WWOX: variants seen among roughly 807,000 people sequenced by gnomAD.
WWOX encodes WW domain containing oxidoreductase.
WWOX carries 69 observed loss-of-function variants against 46.2 expected under a neutral mutation model. That is an observed-to-expected ratio of 1.49 (90% CI 1.23 to 1.82). The LOEUF (loss-of-function observed/expected upper bound fraction) is 1.82, where lower values mean the gene tolerates loss of function less well. Ranked by LOEUF, WWOX falls within the 40% of genes most tolerant of loss-of-function variation. The pLI is 0.00. For missense variants in WWOX, 919 were observed against 542.6 expected, an observed-to-expected ratio of 1.69 and a Z score of -6.89; for synonymous variants, 359 against 202.6, an observed-to-expected ratio of 1.77 and a Z score of -6.56.
chr16:78,442,293 A>C (rs1158706638), intron 8 of WWOX, among the ~76,000 whole-genome samples: 1 of 152,164 alleles, frequency 6.6e-6, no homozygotes, highest in South Asian at 2.1e-4. Context: ...TTGAAAGTCT[A>C]GTCTCAGCAA....
At chr16:79,052,559 T>G (rs1055888916) in intron 8 of WWOX, among the ~76,000 whole-genome samples, 2 of 152,208 alleles carry the variant, frequency 1.3e-5, no homozygotes, top group African/African-American at 4.8e-5. Context: ...TAGACTGGAT[T>G]AAGAAAATGT....
chr16:78,811,106 A>G (rs1190798646), intron 8 of WWOX, among the ~76,000 whole-genome samples: 1 of 152,222 alleles, frequency 6.6e-6, no homozygotes, highest in Non-Finnish European at 1.5e-5. Flanking sequence ...TGGATTTTAG[A>G]GGAATGCAGT....
intron 8 of WWOX, among the ~76,000 whole-genome samples, chr16:78,967,694 T>C (rs1323732109): frequency 6.6e-6 from 1 of 152,018 alleles, no homozygotes; most frequent in Non-Finnish European, 1.5e-5. Context: ...GGGTGTTAGG[T>C]TCCCACAGGA....
intron 8 of WWOX, among the ~76,000 whole-genome samples, chr16:79,035,997 G>T (rs2047858844): frequency 6.6e-6 from 1 of 152,160 alleles, no homozygotes; most frequent in South Asian, 2.1e-4. Flanking sequence ...CTTGGCTTAA[G>T]AATCTATCTT....
intron 8 of WWOX, among the ~76,000 whole-genome samples, chr16:78,703,035 A>G (rs1365737650): frequency 6.6e-6 from 1 of 152,130 alleles, no homozygotes; most frequent in Non-Finnish European, 1.5e-5. Context: ...TAATTATGGA[A>G]TCTTGCAGTG....
chr16:78,894,252 A>G (rs537550915), intron 8 of WWOX, among the ~76,000 whole-genome samples: 1 of 152,062 alleles, frequency 6.6e-6, no homozygotes. Context: ...TTAGTTTTAA[A>G]GAGTTATACA....
chr16:79,114,930 C>G (rs1161670800), intron 8 of WWOX, among the ~76,000 whole-genome samples: 1 of 152,202 alleles, frequency 6.6e-6, no homozygotes, highest in Admixed American at 6.5e-5. Flanking sequence ...GCCGGGGCTG[C>G]AGACTAAATT....
intron 8 of WWOX, among the ~76,000 whole-genome samples, chr16:78,693,854 C>G (rs1007920498): frequency 1.3e-5 from 2 of 152,162 alleles, no homozygotes; most frequent in African/African-American, 4.8e-5. Flanking sequence ...TGAATACCCT[C>G]TCTTTTCCCA....
At chr16:79,119,653 C>A (rs781321036) in intron 8 of WWOX, among the ~76,000 whole-genome samples, 1 of 152,180 alleles carries the variant, frequency 6.6e-6, no homozygotes, top group Admixed American at 6.5e-5. Flanking sequence ...GGTCCAGCCA[C>A]GAAGAGAACG....
At position 78,859,295 on chromosome 16, in the gene WWOX, A is replaced by AT. The variant is rs1225927412; in HGVS notation, c.1057-352308dup. Reference sequence around the variant, plus strand: ...AGTGGAGAAGGCAGGAATGGAATTGATTTTTCCCCCCTGCTGAATTCCCCT... The same window carrying AT: ...AGTGGAGAAGGCAGGAATGGAATTGATTTTTTCCCCCCTGCTGAATTCCCCT... On this transcript the variant is annotated intron_variant, in intron 8 of 8. Transcript: ENST00000566780. Among the ~76,000 whole-genome samples the AT allele has an allele frequency of 8.6e-5, 13 of 151,506 alleles. No individual in the cohort carries two copies. The South Asian group carries it at 2.7e-3, about 32-fold the overall frequency.
intron 5 of WWOX, among the ~76,000 whole-genome samples, chr16:78,312,634 C>G (rs984038238): frequency 2.0e-5 from 3 of 152,148 alleles, no homozygotes; most frequent in Non-Finnish European, 4.4e-5. Context: ...CTTGGCCTCC[C>G]AAAGTGCTGA....
chr16:78,582,081 A>G lies in WWOX; in HGVS notation c.1056+149329A>G, dbSNP rs16948121. On this transcript the variant is annotated intron_variant, in intron 8 of 8. Transcript: ENST00000566780. Reference sequence around the variant, plus strand: ...GAGAAGGAACGCTGGGTGCAGAAGCATCTTTGGTTTCTCTGCTCTATAATC... The same window carrying G: ...GAGAAGGAACGCTGGGTGCAGAAGCGTCTTTGGTTTCTCTGCTCTATAATC... Among the ~76,000 whole-genome samples the G allele has an allele frequency of 1.0e-2, 1,520 of 152,328 alleles. 21 individuals are homozygous for G. The highest frequency in any genetic ancestry group is 0.035 in the African/African-American group (1,438 of 41,566).
In WWOX at chr16:78,345,998, T is replaced by G. The variant is rs1035891285; in HGVS notation, c.517-40862T>G. ...AACATTTACATCACCTCAAAAAGAT[T>G]TCAAATGCCACTTCTGTGGTGTATG... On this transcript the variant is annotated intron_variant, in intron 5 of 8. Transcript: ENST00000566780. Among the ~76,000 whole-genome samples the G allele has an allele frequency of 3.3e-5, 4 of 121,328 alleles. 1 individual carries two copies. Among genetic ancestry groups the G allele is most frequent in the Non-Finnish European group, 7.9e-5 (4 of 50,708 alleles). 79.6% of individuals were successfully genotyped at this position (121,328 alleles called of 152,430 possible).
At chr16:78,583,134 C>G (rs562013402) in intron 8 of WWOX, among the ~76,000 whole-genome samples, 1 of 152,114 alleles carries the variant, frequency 6.6e-6, no homozygotes, top group Non-Finnish European at 1.5e-5. Flanking sequence ...AGCCTTTGTC[C>G]TTGTGAGTCT....
chr16:78,544,730 C>A lies in WWOX; in HGVS notation c.1056+111978C>A, dbSNP rs1419586654. On this transcript the variant is annotated intron_variant, in intron 8 of 8. Coordinates refer to ENST00000566780, the MANE Select transcript of WWOX (RefSeq NM_016373.4). ...TCTCTACAAAAAATTTAAAAATTAG[C>A]TGGGTATGGTTGTGCACTCCTGTGG... 2.6e-5 allele frequency among the ~76,000 whole-genome samples: 4 copies of A among 151,348 alleles called. No homozygotes were observed. The East Asian group carries it at 7.9e-4, about 30-fold the overall frequency.
At chr16:78,164,368 T>C (rs2034903850) in intron 5 of WWOX, 79 bp downstream of exon 5, 8 of 1,271,170 alleles carry the variant, frequency 6.3e-6, no homozygotes, top group South Asian at 1.3e-5. Flanking sequence ...TTCAGTGGAG[T>C]GTGTAAAGTT....
intron 8 of WWOX, among the ~76,000 whole-genome samples, chr16:79,031,499 T>C (rs903196173): frequency 6.6e-6 from 1 of 152,036 alleles, no homozygotes; most frequent in Non-Finnish European, 1.5e-5. Context: ...GAATTTGAGA[T>C]AAAGTGGTCA....
chr16:78,753,854 ATGTATATGTATATG>A (rs1567537600), intron 8 of WWOX, among the ~76,000 whole-genome samples: 4 of 82,840 alleles, frequency 4.8e-5, no homozygotes, highest in Non-Finnish European at 4.3e-5. Context: ...ATATATATAT[ATGTATATGTATATG>A]TATATATAAA....
chr16:79,182,259 C>T (rs768788336), intron 8 of WWOX, among the ~76,000 whole-genome samples: 1 of 152,092 alleles, frequency 6.6e-6, no homozygotes, highest in African/African-American at 2.4e-5. Flanking sequence ...GTACTGCACA[C>T]TGTAGGGTAT....
Sources: gnomAD v4.1 joint callset for allele counts (sites outside exome capture counted in the v4.1 genomes callset) on GRCh38, gnomAD v4.1.1 for gene constraint, MANE v1.5 for transcripts, NCBI Gene and HGNC (gene_info 2026-07-23, HGNC 2026-07-21) for gene names.